Variants in PLCB1 observed in about 807,000 individuals in gnomAD.
PLCB1 encodes the protein phospholipase C beta 1.
PLCB1 carries 46 observed loss-of-function variants against 161.8 expected under a neutral mutation model. The ratio of observed to expected loss-of-function variants is 0.28; its 90% confidence interval spans 0.22 to 0.36. The LOEUF is 0.36. PLCB1 is among the 10% of genes least tolerant of loss of function. The probability of loss-of-function intolerance (pLI) is 1.00; values close to 1 mark genes in which losing one functional copy is unlikely to be tolerated. For missense variants in PLCB1, 1,016 were observed against 1,472.5 expected (o/e 0.69, Z 5.07); for synonymous variants, 517 against 503.7 (o/e 1.03, Z -0.35).
chr20:8,519,705 A>G (rs1048494873), intron 3 of PLCB1, among the ~76,000 whole-genome samples: 13 of 152,312 alleles, frequency 8.5e-5, no homozygotes, highest in Admixed American at 7.8e-4. Context: ...ATATGCAAAT[A>G]TTACTATGTA....
intron 3 of PLCB1, among the ~76,000 whole-genome samples, chr20:8,373,682 T>G (rs146463102): frequency 6.6e-6 from 1 of 152,302 alleles, no homozygotes; most frequent in Non-Finnish European, 1.5e-5. Flanking sequence ...TTAGCCAATA[T>G]TGTTGGTAGT....
chr20:8,132,795 G>C lies in PLCB1; in HGVS notation c.99+45G>C. On this transcript the variant is annotated intron_variant, in intron 1 of 31. Coordinates refer to ENST00000338037, the MANE Select transcript of PLCB1 (RefSeq NM_015192.4). The surrounding 1 kb of genome is among the most constrained non-coding windows in gnomAD (Gnocchi z 5.2). ...GAGTCGGGGCGCTGGCTCGGGCACC[G>C]GGCAGGGCGGGCGTCGTGGGGGTGG... The C allele has an allele frequency of 4.3e-6, 6 of 1,406,910 alleles. No homozygotes were observed. Among genetic ancestry groups the C allele is most frequent in the Non-Finnish European group, 6.0e-6 (6 of 999,976 alleles). The allele number at this position is 1,406,910 out of a possible 1,614,324, so 87.2% of individuals were successfully genotyped here. A position where few individuals can be genotyped will look rare whatever the true frequency, so the allele number is the denominator to read the frequency against.
At chr20:8,743,080 G>A (rs372400042) in intron 23 of PLCB1, among the ~76,000 whole-genome samples, 1 of 152,094 alleles carries the variant, frequency 6.6e-6, no homozygotes, top group Non-Finnish European at 1.5e-5. Flanking sequence ...ATTTCCAGTA[G>A]TATGTTGAAT....
intron 2 of PLCB1, among the ~76,000 whole-genome samples, chr20:8,214,291 C>T (rs533732730): frequency 3.2e-4 from 48 of 152,188 alleles, no homozygotes; most frequent in African/African-American, 1.1e-3. Context: ...ATCATGGAAG[C>T]GGATTTCTCA....
chr20:8,538,370 A>G (rs989414817), intron 3 of PLCB1, among the ~76,000 whole-genome samples: 5 of 152,128 alleles, frequency 3.3e-5, no homozygotes, highest in Admixed American at 6.5e-5. Context: ...TCTGGGAAAC[A>G]TGGTCTTGCT....
At chr20:8,867,577 A>C (rs1987472514) in intron 31 of PLCB1, among the ~76,000 whole-genome samples, 1 of 152,194 alleles carries the variant, frequency 6.6e-6, no homozygotes, top group South Asian at 2.1e-4. Context: ...TGTGTGGTTA[A>C]GAGAATGGGA....
intron 3 of PLCB1, among the ~76,000 whole-genome samples, chr20:8,498,390 C>G (rs1260873324): frequency 6.6e-6 from 1 of 152,158 alleles, no homozygotes; most frequent in South Asian, 2.1e-4. Flanking sequence ...CCACCACGCC[C>G]GACCACCTTT....
chr20:8,769,441 T>C (rs911875891), intron 26 of PLCB1, among the ~76,000 whole-genome samples: 2 of 152,070 alleles, frequency 1.3e-5, no homozygotes, highest in African/African-American at 4.8e-5. Context: ...CCTTTTAAGT[T>C]TAAATTATTG....
At position 8,288,625 on chromosome 20, in the gene PLCB1, C is replaced by T. The variant is rs76536803; in HGVS notation, c.178-82757C>T. Among the ~76,000 whole-genome samples, 684 of 152,196 alleles carry T rather than the reference C, an allele frequency of 4.5e-3. 1 individual carries two copies. The highest frequency in any genetic ancestry group is 0.016 in the African/African-American group (655 of 41,532). On this transcript the variant is annotated intron_variant, in intron 2 of 31. Coordinates refer to ENST00000338037, the MANE Select transcript of PLCB1 (RefSeq NM_015192.4). ...GCATGCATAAACTTCCAGGCATCTT[C>T]GGCCAGGGTGGTACTCCTCAGCCAA...
At chr20:8,567,629 G>A (rs1331122770) in intron 3 of PLCB1, among the ~76,000 whole-genome samples, 4 of 152,048 alleles carry the variant, frequency 2.6e-5, no homozygotes, top group Non-Finnish European at 5.9e-5. Context: ...ACATAGGTTA[G>A]CAATAATCAT....
intron 3 of PLCB1, among the ~76,000 whole-genome samples, chr20:8,422,089 C>T (rs1979559822): frequency 6.6e-6 from 1 of 152,208 alleles, no homozygotes; most frequent in Admixed American, 6.5e-5. Context: ...CTGAGTGAGT[C>T]TTTACAACCT....
intron 5 of PLCB1, 113 bp downstream of exon 5, chr20:8,646,294 A>G: frequency 4.1e-6 from 3 of 728,416 alleles, no homozygotes; most frequent in Non-Finnish European, 7.2e-6. Context: ...GATAAACACA[A>G]ATTTTCCTTT....
intron 2 of PLCB1, among the ~76,000 whole-genome samples, chr20:8,175,783 A>G (rs2051776731): frequency 6.6e-6 from 1 of 152,228 alleles, no homozygotes; most frequent in Admixed American, 6.5e-5. Context: ...TATCTAGAAT[A>G]CATAAAGGAC....
intron 2 of PLCB1, among the ~76,000 whole-genome samples, chr20:8,335,533 G>T (rs1390391355): frequency 2.0e-5 from 3 of 152,140 alleles, no homozygotes. Context: ...CATGTTTCAT[G>T]ATTTTCCCTG....
chr20:8,695,711 CT>C (rs1248691033), intron 10 of PLCB1, among the ~76,000 whole-genome samples: 2 of 152,000 alleles, frequency 1.3e-5, no homozygotes, highest in Non-Finnish European at 2.9e-5. Flanking sequence ...CAAAGAAAAA[CT>C]TTTAAAAAAA....
chr20:8,504,763 A>T (rs939268897), intron 3 of PLCB1, among the ~76,000 whole-genome samples: 1 of 152,138 alleles, frequency 6.6e-6, no homozygotes, highest in Admixed American at 6.5e-5. Context: ...CAAAAAAAAT[A>T]TTGAAATCTA....
At chr20:8,799,029 A>G (rs973107173) in intron 31 of PLCB1, among the ~76,000 whole-genome samples, 2 of 152,178 alleles carry the variant, frequency 1.3e-5, no homozygotes, top group Non-Finnish European at 2.9e-5. Flanking sequence ...AAAGATTGCT[A>G]TTGTCTATTG....
chr20:8,371,231 T>C (rs950635211), intron 2 of PLCB1, 151 bp from the exon 3 acceptor site: 77 of 560,356 alleles, frequency 1.4e-4, no homozygotes, highest in South Asian at 4.4e-4. Context: ...CTAATTCAAT[T>C]GAGAAGTGAT....
At chr20:8,267,638 T>C (rs2123255931) in intron 2 of PLCB1, among the ~76,000 whole-genome samples, 1 of 152,306 alleles carries the variant, frequency 6.6e-6, no homozygotes, top group East Asian at 1.9e-4. Flanking sequence ...TGTCATTTTC[T>C]TTTGTTTTTT....
Sources: gnomAD v4.1 joint callset for allele counts (sites outside exome capture counted in the v4.1 genomes callset) on GRCh38, gnomAD v4.1.1 for gene constraint, Gnocchi (gnomAD v3.1) non-coding constraint, MANE v1.5 for transcripts, NCBI Gene and HGNC (gene_info 2026-07-23, HGNC 2026-07-21) for gene names.